Variants in HHLA1 observed in about 807,000 individuals in gnomAD.
The protein encoded by HHLA1 is HHLA1 neighbor of OC90, also known as HERV-H LTR-associating protein 1.
In HHLA1, 72 loss-of-function variants were observed where a neutral mutation model predicts 69.9. The ratio of observed to expected loss-of-function variants is 1.03; its 90% CI spans 0.85 to 1.25. The LOEUF (loss-of-function observed/expected upper bound fraction) is 1.25, where lower values mean the gene tolerates loss of function less well. Among genes scored for constraint, HHLA1 ranks in the 50% most tolerant of loss-of-function variants. The pLI is 0.00. For synonymous variants in HHLA1, 252 were observed against 233.2 expected, an observed-to-expected ratio of 1.08 and a Z score of -0.73; for missense variants, 685 against 642.2, an observed-to-expected ratio of 1.07 and a Z score of -0.72.
At chr8:132,082,473 T>C (rs1823772370) in intron 10 of HHLA1, among the ~76,000 whole-genome samples, 1 of 151,980 alleles carries the variant, frequency 6.6e-6, no homozygotes, top group South Asian at 2.1e-4. Flanking sequence ...GATGCTGGGG[T>C]TTGAGAGATC....
chr8:132,107,604 T>C (rs1273491448), intron 1 of HHLA1, among the ~76,000 whole-genome samples: 2 of 152,264 alleles, frequency 1.3e-5, no homozygotes, highest in Middle Eastern at 3.4e-3. Context: ...TTGGCCGACA[T>C]GCTAAGATTT....
At position 132,077,921 on chromosome 8, in the gene HHLA1, A is replaced by G. The variant is rs750994680; in HGVS notation, c.976T>C (p.Trp326Arg). 1.3e-6 allele frequency: 2 copies of G among 1,551,598 alleles called. No individual in the cohort carries two copies. The highest frequency in any genetic ancestry group is 8.7e-7 in the Non-Finnish European group (1 of 1,146,942). The change falls in exon 12 of 17, where the codon TGG becomes CGG. Residue 326 changes from tryptophan to arginine, a missense_variant. Transcript: ENST00000414222. ...CAGGGCACGGACGATATGGAAGCCC[A>G]CGTCTGTCTGTCAGCTGTCAACCAC... ...TQWLTADRQT[W>R]ASISSVPWAQ...
chr8:132,076,584 AG>A, intron 12 of HHLA1, 41 bp from the exon 13 acceptor site: 1 of 1,373,384 alleles, frequency 7.3e-7, no homozygotes, highest in Non-Finnish European at 9.7e-7. Context: ...CATCTCTTCT[AG>A]GGGGCCCTGA....
intron 3 of HHLA1, 68 bp downstream of exon 3, chr8:132,104,040 G>T: frequency 9.4e-7 from 1 of 1,060,762 alleles, no homozygotes; most frequent in Non-Finnish European, 1.4e-6. Context: ...GAGAAAGTCA[G>T]GCTTGGGGAA....
At chr8:132,064,159 G>A in intron 16 of HHLA1, 121 bp from the exon 17 acceptor site, 2 of 433,504 alleles carry the variant, frequency 4.6e-6, no homozygotes, top group Non-Finnish European at 8.1e-6. Flanking sequence ...CAAGTGTGGG[G>A]CAGTGCACTG....
chr8:132,065,780 T>G, intron 16 of HHLA1, 106 bp downstream of exon 16: 3 of 473,990 alleles, frequency 6.3e-6, no homozygotes, highest in Non-Finnish European at 1.2e-5. Context: ...GAGGACTAGA[T>G]GAGCTACAGC....
At position 132,071,379 on chromosome 8, in the gene HHLA1, A is replaced by T; in HGVS notation, c.1430T>A (p.Leu477His). ...MELCQFFQQC[L>H]CMSQRSPRTE... ...CCTGGGACTCCTCTGGCTCATGCAG[A>T]GGCATTGCTGGAAGAATTGGCACAG... Residue 477 changes from leucine to histidine, a missense_variant, in exon 15 of 17, where the codon CTC becomes CAC. Physicochemically the swap from Leu to His is moderately conservative, Grantham distance 99 (BLOSUM62 -3). Transcript: ENST00000414222. 1 of 1,551,676 alleles carries T rather than the reference A, an allele frequency of 6.4e-7. No individual in the cohort carries two copies. The highest frequency in any genetic ancestry group is 8.7e-7 in the Non-Finnish European group (1 of 1,146,964).
intron 7 of HHLA1, among the ~76,000 whole-genome samples, chr8:132,091,330 A>G (rs1823942778): frequency 1.3e-5 from 2 of 152,204 alleles, no homozygotes. Flanking sequence ...CTTTGAAGCC[A>G]CACACAAAAC....
intron 3 of HHLA1, chr8:132,101,273 A>G: frequency 6.5e-7 from 1 of 1,549,924 alleles, no homozygotes; most frequent in African/African-American, 1.4e-5. Context: ...ATTTCCAGAC[A>G]CTGAAATAAA....
intron 12 of HHLA1, among the ~76,000 whole-genome samples, chr8:132,077,155 AAG>A (rs566758029): frequency 3.3e-5 from 5 of 152,138 alleles, no homozygotes; most frequent in Non-Finnish European, 7.4e-5. Context: ...AGTGGAAGGA[AAG>A]AGGTGAGGCT....
At chr8:132,099,827 C>T (rs942753318) in intron 4 of HHLA1, among the ~76,000 whole-genome samples, 5 of 152,026 alleles carry the variant, frequency 3.3e-5, no homozygotes, top group African/African-American at 1.2e-4. Flanking sequence ...GCACTCCAGC[C>T]TGGGCAACAA....
At chr8:132,071,855 G>C (rs1483935557) in intron 14 of HHLA1, among the ~76,000 whole-genome samples, 2 of 152,090 alleles carry the variant, frequency 1.3e-5, no homozygotes, top group Non-Finnish European at 2.9e-5. Flanking sequence ...CTTGCTGAGG[G>C]GGATTTGAGA....
chr8:132,092,453 C>T (rs1012090576), intron 7 of HHLA1, among the ~76,000 whole-genome samples: 5 of 152,084 alleles, frequency 3.3e-5, no homozygotes, highest in Admixed American at 2.6e-4. Context: ...GGAGGTGAGG[C>T]GTGGTGGGAG....
rs118110980 is a variant in HHLA1 at position 132,076,246 on chromosome 8, T to C, written c.1241-117A>G. The C allele has an allele frequency of 1.5e-3, 1,296 of 850,554 alleles. 32 individuals carry two copies. The East Asian group carries it at 0.031, about 20-fold the overall frequency. 52.7% of individuals were successfully genotyped at this position (850,554 alleles called of 1,614,324 possible). On this transcript the variant is annotated intron_variant, in intron 13 of 16. Transcript: ENST00000414222. ...ATCATTCTTGAAATCTATAGGAAAA[T>C]GATAGCCAAAAAAGGGGAAGTGATT...
chr8:132,105,496 C>T (rs970695783), intron 1 of HHLA1, among the ~76,000 whole-genome samples: 2 of 152,234 alleles, frequency 1.3e-5, no homozygotes, highest in African/African-American at 2.4e-5. Context: ...TATATATTCA[C>T]TGCATTTTGG....
Position 132,095,549 on chromosome 8 carries a change from A to C in HHLA1, c.418T>G (p.Cys140Gly). 6.4e-7 allele frequency: 1 copy of C among 1,550,400 alleles called. No homozygotes were observed. The highest frequency in any genetic ancestry group is 8.7e-7 in the Non-Finnish European group (1 of 1,145,672). Residue 140 changes from cysteine to glycine, a missense_variant, in exon 7 of 17, where the codon TGT becomes GGT. Cys to Gly is a radical substitution (Grantham distance 159). Transcript: ENST00000414222. The stretch of plus-strand genomic sequence containing the variant: ...AAGTCATTGGTCCGATTGTTTAAAC[A>C]GTAGCAATACCTTGTGGGGAATTTG... ...PAKFPTRYCY[C>G]LNNRTNDLSD...
In HHLA1 at chr8:132,063,973, C is replaced by G. The variant is rs1188844655; in HGVS notation, c.*22G>C. ...CGTATCCCCTGAAGTAATTGTTATGCCCTAGTGTTATTTTCAAGGCCTCAC... is the reference window on the plus strand; with the variant it reads ...CGTATCCCCTGAAGTAATTGTTATGGCCTAGTGTTATTTTCAAGGCCTCAC... On this transcript the variant is annotated 3_prime_UTR_variant, in exon 17 of 17. Transcript: ENST00000414222. 2.5e-5 allele frequency: 32 copies of G among 1,283,448 alleles called. No homozygotes were observed. Among genetic ancestry groups the G allele is most frequent in the Non-Finnish European group, 3.2e-5 (31 of 971,862 alleles). 79.5% of individuals were successfully genotyped at this position (1,283,448 alleles called of 1,614,324 possible). A position where few individuals can be genotyped will look rare whatever the true frequency, so the allele number is the denominator to read the frequency against.
At chr8:132,099,881 A>T (rs1387433836) in intron 4 of HHLA1, among the ~76,000 whole-genome samples, 194 bp downstream of exon 4, 2 of 152,134 alleles carry the variant, frequency 1.3e-5, no homozygotes, top group African/African-American at 4.8e-5. Flanking sequence ...TGGAAACAAC[A>T]GTTGACAAGA....
In HHLA1 at chr8:132,104,152, C is replaced by T. The variant is rs1824164731; in HGVS notation, c.95G>A (p.Gly32Glu). 3.9e-6 allele frequency: 6 copies of T among 1,550,020 alleles called. No homozygotes were observed. Among genetic ancestry groups the T allele is most frequent in the Non-Finnish European group, 5.2e-6 (6 of 1,145,714 alleles). ...CATTCCCTTCTCTTTCTTGGCTTCT[C>T]CTTTGATGCCAGACACTAAAGTAAA... is the stretch of plus-strand genomic sequence containing the variant. ...SLWNTVSGIK[G>E]EAKKEKGMTF... Residue 32 changes from glycine to glutamate, a missense_variant, in exon 3 of 17, where the codon GGA becomes GAA. Physicochemically the swap from Gly to Glu is moderately conservative, Grantham distance 98. Transcript: ENST00000414222.
Sources: allele counts gnomAD v4.1 joint callset (sites outside exome capture counted in the v4.1 genomes callset), GRCh38; gene constraint gnomAD v4.1.1; transcripts MANE v1.5; gene names NCBI Gene and HGNC (gene_info 2026-07-23, HGNC 2026-07-21).